Variants in NPIPB12 observed in about 807,000 individuals in gnomAD.
NPIPB12 encodes the protein nuclear pore complex interacting protein family member B12, also known as nuclear pore complex-interacting protein family member B12.
At chr16:29,502,052 C>G (rs1455948593), upstream of NPIPB12, among the ~76,000 whole-genome samples, 1 of 3,564 alleles carries the variant, frequency 2.8e-4, no homozygotes, top group African/African-American at 7.0e-4. Context: ...AAGATGTGAG[C>G]AGAGTTTGGG....
At chr16:29,492,850 T>TGTA in intron 2 of NPIPB12, among the ~76,000 whole-genome samples, 1 of 98,406 alleles carries the variant, frequency 1.0e-5, no homozygotes, top group African/African-American at 3.9e-5. Context: ...ACTGTACACT[T>TGTA]CAACACGGTT....
At chr16:29,496,256 A>AT (rs1319597216) in intron 1 of NPIPB12, among the ~76,000 whole-genome samples, 2 of 3,952 alleles carry the variant, frequency 5.1e-4, no homozygotes, top group Non-Finnish European at 7.1e-4. Flanking sequence ...GTGCCCAGCC[A>AT]TTTTTTTGTT....
chr16:29,495,109 C>T (rs1324102735), intron 2 of NPIPB12, among the ~76,000 whole-genome samples: 1 of 123,192 alleles, frequency 8.1e-6, no homozygotes, highest in Admixed American at 8.3e-5. Context: ...TGCAGTGAAT[C>T]TTCAGAGAAG....
chr16:29,497,171 A>G (rs1272028455), intron 1 of NPIPB12, among the ~76,000 whole-genome samples: 1 of 102,710 alleles, frequency 9.7e-6, no homozygotes, highest in African/African-American at 3.3e-5. Flanking sequence ...AAAAAATACA[A>G]TGAAGAGATT....
chr16:29,490,729 C>CAAA (rs1200754352), intron 4 of NPIPB12, among the ~76,000 whole-genome samples: 90 of 1,920 alleles, frequency 0.047, 2 homozygotes, highest in Non-Finnish European at 0.058. Flanking sequence ...GACTCTGTCT[C>CAAA]AAAAAAAAAA....
intron 1 of NPIPB12, among the ~76,000 whole-genome samples, chr16:29,498,042 T>TATCATTAAACAA (rs1324293142): frequency 2.9e-5 from 2 of 69,560 alleles, no homozygotes; most frequent in African/African-American, 5.5e-5. Context: ...GGTTCACGCC[T>TATCATTAAACAA]GTAATCCCAA....
At chr16:29,492,783 A>C (rs1965104965) in intron 2 of NPIPB12, among the ~76,000 whole-genome samples, 1 of 134,846 alleles carries the variant, frequency 7.4e-6, no homozygotes, top group Non-Finnish European at 1.6e-5. Flanking sequence ...ACAGAGTGAG[A>C]CTCCGTCTCA....
chr16:29,506,408 T>G (rs866284555), upstream of NPIPB12, among the ~76,000 whole-genome samples: 5 of 61,166 alleles, frequency 8.2e-5, 2 homozygotes, highest in South Asian at 1.6e-3. Context: ...CTATGCTCTA[T>G]CTCCACCATA....
intron 4 of NPIPB12, among the ~76,000 whole-genome samples, chr16:29,490,096 C>A (rs1449973856): frequency 4.7e-4 from 1 of 2,122 alleles, no homozygotes. Context: ...CCGACGACTT[C>A]AATTGCAGCC....
intron 1 of NPIPB12, among the ~76,000 whole-genome samples, chr16:29,498,211 A>C (rs1246243856): frequency 9.0e-5 from 13 of 145,156 alleles, no homozygotes; most frequent in Non-Finnish European, 1.5e-4. Flanking sequence ...GAGGCAGGAG[A>C]ATCGCTCGAA....
chr16:29,490,470 C>A (rs1372437893), intron 4 of NPIPB12, among the ~76,000 whole-genome samples: 1 of 149,336 alleles, frequency 6.7e-6, no homozygotes, highest in East Asian at 2.0e-4. Context: ...CACGGTGGCT[C>A]ACGCCTGTAA....
intron 1 of NPIPB12, among the ~76,000 whole-genome samples, chr16:29,498,203 G>C (rs1372524086): frequency 6.9e-6 from 1 of 144,828 alleles, no homozygotes; most frequent in Non-Finnish European, 1.5e-5. Context: ...GGGAGGCTGA[G>C]GCAGGAGAAT....
upstream of NPIPB12, among the ~76,000 whole-genome samples, chr16:29,504,367 ATGG>A (rs1965208912): frequency 1.2e-5 from 1 of 80,732 alleles, no homozygotes. Context: ...TTAGCTGGGC[ATGG>A]TGGCACACAC....
chr16:29,504,577 A>C (rs1485367665), intron 2 of NPIPB12, among the ~76,000 whole-genome samples: 79 of 147,800 alleles, frequency 5.3e-4, no homozygotes, highest in African/African-American at 1.9e-3. Flanking sequence ...AATCTCAAAA[A>C]TAAAAGATCA....
At chr16:29,490,444 C>G (rs1231526262) in intron 4 of NPIPB12, among the ~76,000 whole-genome samples, 1 of 149,128 alleles carries the variant, frequency 6.7e-6, no homozygotes, top group Non-Finnish European at 1.5e-5. Context: ...ACTAAAAATA[C>G]AAAAATTGGG....
At chr16:29,493,099 CTAA>C (rs1170311547) in intron 2 of NPIPB12, among the ~76,000 whole-genome samples, 1 of 18,676 alleles carries the variant, frequency 5.4e-5, no homozygotes, top group East Asian at 1.5e-3. Context: ...AACATTCTCA[CTAA>C]TGACTGAATT....
chr16:29,498,288 G>A (rs1280455581), intron 1 of NPIPB12, among the ~76,000 whole-genome samples: 2 of 141,590 alleles, frequency 1.4e-5, no homozygotes, highest in Non-Finnish European at 3.1e-5. Context: ...CAACAAGGGA[G>A]AAACTGTCTC....
intron 2 of NPIPB12, among the ~76,000 whole-genome samples, chr16:29,504,514 ATGTGTGTGTGTGTGTGTG>A (rs375593232): frequency 3.2e-4 from 44 of 137,912 alleles, no homozygotes; most frequent in South Asian, 9.5e-4. Flanking sequence ...CAAAAAATAT[ATGTGTGTGTGTGTGTGTG>A]TGTGTGTGTG....
At chr16:29,505,909 TTC>T, upstream of NPIPB12, 1 of 291,272 alleles carries the variant, frequency 3.4e-6, no homozygotes, top group Non-Finnish European at 6.5e-6. Flanking sequence ...GTATCATCAT[TTC>T]TGTCATAATT....
Sources: gnomAD v4.1 joint callset for allele counts (sites outside exome capture counted in the v4.1 genomes callset) on GRCh38, gnomAD v4.1.1 for gene constraint, MANE v1.5 for transcripts, NCBI Gene and HGNC (gene_info 2026-07-23, HGNC 2026-07-21) for gene names.